SLC15A1: variants seen among roughly 807,000 people sequenced by gnomAD.
SLC15A1 encodes solute carrier family 15 member 1.
A neutral mutation model predicts 92.9 loss-of-function variants in SLC15A1; 83 were observed. The observed-to-expected ratio is 0.89, with a 90% CI of 0.75 to 1.07. SLC15A1 has a LOEUF of 1.07. Among genes scored for constraint, SLC15A1 ranks in the 50% least tolerant of loss-of-function variants. The pLI, the probability that SLC15A1 is intolerant of heterozygous loss-of-function variation, is 0.00. For missense variants in SLC15A1, 857 were observed against 880.1 expected, an observed-to-expected ratio of 0.97 and a Z score of 0.33; for synonymous variants, 322 against 318.2, an observed-to-expected ratio of 1.01 and a Z score of -0.13.
chr13:98,752,509 T>C, intron 1 of SLC15A1, 86 bp downstream of exon 1: 4 of 1,203,882 alleles, frequency 3.3e-6, no homozygotes, highest in Non-Finnish European at 4.2e-6. Flanking sequence ...CGCGTACCCT[T>C]CGCGCCTCCC....
At chr13:98,726,522 G>A (rs768342862) in intron 2 of SLC15A1, 73 bp from the exon 3 acceptor site, 1 of 1,352,358 alleles carries the variant, frequency 7.4e-7, no homozygotes, top group South Asian at 1.2e-5. Context: ...GAGCACCAGT[G>A]GCATGAAAGG....
intron 7 of SLC15A1, 113 bp from the exon 8 acceptor site, chr13:98,719,433 G>C: frequency 1.5e-6 from 1 of 688,004 alleles, no homozygotes; most frequent in Non-Finnish European, 2.4e-6. Flanking sequence ...TACTGTTCTA[G>C]ACATATCCAT....
chr13:98,730,565 C>T (rs1292011583), intron 1 of SLC15A1, among the ~76,000 whole-genome samples: 1 of 152,190 alleles, frequency 6.6e-6, no homozygotes, highest in Admixed American at 6.5e-5. Context: ...GCGGGTGAGC[C>T]CATCTGTTTC....
chr13:98,721,681 T>C, intron 6 of SLC15A1, 96 bp from the exon 7 acceptor site: 1 of 1,287,614 alleles, frequency 7.8e-7, no homozygotes, highest in Non-Finnish European at 1.1e-6. Context: ...TAGTTTTGGT[T>C]GGTATCTTAC....
chr13:98,751,954 C>G (rs1361863225), intron 1 of SLC15A1, among the ~76,000 whole-genome samples: 4 of 152,364 alleles, frequency 2.6e-5, no homozygotes, highest in African/African-American at 9.6e-5. Context: ...CTCTCTGGGT[C>G]TGCCTTAGTT....
chr13:98,687,592 A>G lies in SLC15A1; in HGVS notation c.1816T>C (p.Ser606Pro). The change falls in exon 21 of 23, where the codon TCA becomes CCA. Residue 606 changes from serine (S) to proline (P), a missense_variant. By Grantham distance (74) the Ser-to-Pro change is moderately conservative. Transcript: ENST00000376503. ...AACAAACAAGAAACCTGAGAATATG[A>G]GAATTCCAATCCCGTGACAGAGAAG... ...VVFSVTGLEF[S>P]YSQAPSNMKS... 6.2e-7 allele frequency: 1 copy of G among 1,614,080 alleles called. No individual in the cohort carries two copies. Among genetic ancestry groups the G allele is most frequent in the African/African-American group, 1.3e-5 (1 of 75,046 alleles).
In SLC15A1 at chr13:98,721,014, T is replaced by C. The variant is rs141736337; in HGVS notation, c.556+481A>G. 6.7e-3 allele frequency: 2,715 copies of C among 407,590 alleles called. 74 individuals carry two copies. The highest frequency in any genetic ancestry group is 0.051 in the African/African-American group (2,496 of 48,776). 25.2% of individuals were successfully genotyped at this position (407,590 alleles called of 1,614,324 possible). On this transcript the variant is annotated intron_variant, in intron 7 of 22. Transcript: ENST00000376503. ...TTGCAGTGAGCCAAGATCACGCCAC[T>C]GCGCTCCAGCGTGGGTGACAGAGCA...
In SLC15A1 at chr13:98,684,421, G is replaced by T. The variant is rs1014648859; in HGVS notation, c.*303C>A. 4.1e-5 allele frequency: 9 copies of T among 218,184 alleles called. No individual in the cohort carries two copies. The highest frequency in any genetic ancestry group is 7.3e-5 in the Non-Finnish European group (8 of 109,498). The allele number at this position is 218,184 out of a possible 1,614,324, so 13.5% of individuals were successfully genotyped here. ...ATAGCTGGGCGTGGTGGTGCATGCC[G>T]CTAATCCCAGCCACTCGGGAGGCTG... On this transcript the variant is annotated 3_prime_UTR_variant, in exon 23 of 23. Coordinates refer to ENST00000376503, the MANE Select transcript of SLC15A1 (RefSeq NM_005073.4).
chr13:98,704,109 G>A (rs1407090726), intron 17 of SLC15A1, among the ~76,000 whole-genome samples, 180 bp downstream of exon 17: 1 of 152,152 alleles, frequency 6.6e-6, no homozygotes, highest in African/African-American at 2.4e-5. Flanking sequence ...CTATCCACCA[G>A]TCATACTTTT....
chr13:98,698,960 C>A (rs2088045223), intron 18 of SLC15A1, among the ~76,000 whole-genome samples: 1 of 152,002 alleles, frequency 6.6e-6, no homozygotes, highest in African/African-American at 2.4e-5. Flanking sequence ...CCAGTTTATT[C>A]TTATTAAATA....
At chr13:98,746,922 C>T (rs3782995) in intron 1 of SLC15A1, among the ~76,000 whole-genome samples, 18 of 152,108 alleles carry the variant, frequency 1.2e-4, no homozygotes, top group Non-Finnish European at 2.4e-4. Flanking sequence ...CCCTGTGCCC[C>T]GTGGCTGTGG....
intron 11 of SLC15A1, 51 bp from the exon 12 acceptor site, chr13:98,709,962 A>T: frequency 1.3e-6 from 2 of 1,570,840 alleles, no homozygotes; most frequent in Non-Finnish European, 1.8e-6. Context: ...GGTTTTTAAA[A>T]TTTTACAAGT....
At chr13:98,739,322 T>C (rs1395937550) in intron 1 of SLC15A1, among the ~76,000 whole-genome samples, 11 of 152,180 alleles carry the variant, frequency 7.2e-5, no homozygotes, top group Non-Finnish European at 2.9e-5. Flanking sequence ...TGCTTGTATT[T>C]TGAAATGTGA....
intron 1 of SLC15A1, among the ~76,000 whole-genome samples, chr13:98,735,808 A>G (rs2088388906): frequency 6.6e-6 from 1 of 152,254 alleles, no homozygotes; most frequent in African/African-American, 2.4e-5. Flanking sequence ...CTCTTTAAGG[A>G]GAACCACAAA....
rs376750088 is a variant in SLC15A1 at position 98,726,152 on chromosome 13, A to G, written c.216T>C (p.Leu72=). 3 of 1,614,054 alleles carry G rather than the reference A, an allele frequency of 1.9e-6. No individual in the cohort carries two copies. Among genetic ancestry groups the G allele is most frequent in the African/African-American group, 1.3e-5 (1 of 74,926 alleles). The stretch of plus-strand genomic sequence containing the variant: ...ACTTTCCCAGCCACGAGTCGGCGAT[A>G]AGAGCTCCGAGAATTGGCGTCAGGT... ...LCYLTPILGA[L]IADSWLGKFK... The change falls in exon 4 of 23, where the codon CTT becomes CTC. Residue 72 remains leucine, a synonymous_variant. Coordinates refer to ENST00000376503, the MANE Select transcript of SLC15A1 (RefSeq NM_005073.4).
intron 14 of SLC15A1, among the ~76,000 whole-genome samples, chr13:98,709,054 G>A (rs1053922827): frequency 6.8e-6 from 1 of 147,368 alleles, no homozygotes; most frequent in Non-Finnish European, 1.5e-5. Flanking sequence ...TGCAACCTCT[G>A]CCTCCTAGCT....
At chr13:98,752,463 C>T (rs1352174678) in intron 1 of SLC15A1, 132 bp downstream of exon 1, 5 of 852,644 alleles carry the variant, frequency 5.9e-6, no homozygotes, top group Non-Finnish European at 7.8e-6. Context: ...ACCTCCCGGC[C>T]CCCGTGGGCC....
intron 18 of SLC15A1, among the ~76,000 whole-genome samples, chr13:98,697,615 C>CTTTT (rs11347963): frequency 8.8e-5 from 11 of 125,044 alleles, no homozygotes; most frequent in Non-Finnish European, 1.5e-4. Flanking sequence ...CTGGCTGATG[C>CTTTT]TTTTTTTTTT....
chr13:98,684,902 A>G lies in SLC15A1; in HGVS notation c.1949T>C (p.Ile650Thr), dbSNP rs756958244. Reference sequence around the variant, plus strand: ...GACCAGAAGCAACGCGGCAAATAGAATGTACTCGGCCCACTTTGAAGAAAT... The same window carrying G: ...GACCAGAAGCAACGCGGCAAATAGAGTGTACTCGGCCCACTTTGAAGAAAT... ...GQFSKQWAEYILFAALLLVVC... is the reference protein window; with the variant it reads ...GQFSKQWAEYTLFAALLLVVC... The change falls in exon 23 of 23, where the codon ATT (isoleucine) becomes ACT (threonine). Residue 650 changes from isoleucine (I) to threonine (T), a missense_variant. Ile to Thr is a moderately conservative substitution (Grantham distance 89). Coordinates refer to ENST00000376503, the MANE Select transcript of SLC15A1 (RefSeq NM_005073.4). 1 of 1,612,690 alleles carries G rather than the reference A, an allele frequency of 6.2e-7. No individual in the cohort carries two copies. The highest frequency in any genetic ancestry group is 1.1e-5 in the South Asian group (1 of 90,866).
Sources: allele counts gnomAD v4.1 joint callset (sites outside exome capture counted in the v4.1 genomes callset), GRCh38; gene constraint gnomAD v4.1.1; transcripts MANE v1.5; gene names NCBI Gene and HGNC (gene_info 2026-07-23, HGNC 2026-07-21).